Variants in GATA4 observed in about 807,000 individuals in gnomAD.
GATA4 encodes the protein transcription factor GATA-4.
GATA4 carries 7 observed loss-of-function variants against 37.9 expected under a neutral mutation model. The observed-to-expected ratio is 0.18, with a 90% CI of 0.11 to 0.35. The LOEUF (loss-of-function observed/expected upper bound fraction) is 0.35, where lower values mean the gene tolerates loss of function less well. GATA4 is among the 10% of genes least tolerant of loss of function. The pLI, the probability that GATA4 is intolerant of heterozygous loss-of-function variation, is 1.00. For missense variants in GATA4, 647 were observed against 653.0 expected, an observed-to-expected ratio of 0.99 and a Z score of 0.10; for synonymous variants, 372 against 292.6, an observed-to-expected ratio of 1.27 and a Z score of -2.77.
intron 2 of GATA4, among the ~76,000 whole-genome samples, chr8:11,722,359 G>C (rs1051276457): frequency 1.3e-5 from 2 of 152,110 alleles, no homozygotes; most frequent in African/African-American, 4.8e-5. Context: ...AAAAGTACGA[G>C]GACTCTTTTA....
At chr8:11,732,262 T>G (rs1801246667) in intron 2 of GATA4, among the ~76,000 whole-genome samples, 1 of 152,170 alleles carries the variant, frequency 6.6e-6, no homozygotes, top group Non-Finnish European at 1.5e-5. Context: ...GTCTGCCAAG[T>G]AAGTGAAATG....
intron 1 of GATA4, among the ~76,000 whole-genome samples, chr8:11,685,986 A>G (rs1220487809): frequency 6.6e-6 from 1 of 152,246 alleles, no homozygotes; most frequent in Non-Finnish European, 1.5e-5. Context: ...GCCAAAGCGG[A>G]GGACAGGACT....
intron 2 of GATA4, among the ~76,000 whole-genome samples, chr8:11,718,875 T>A (rs1684429998): frequency 6.6e-6 from 1 of 152,252 alleles, no homozygotes; most frequent in Non-Finnish European, 1.5e-5. Context: ...TCACCACTTT[T>A]GCAATGTTTC....
intron 1 of GATA4, among the ~76,000 whole-genome samples, chr8:11,705,462 A>T (rs1021004406): frequency 9.2e-5 from 14 of 152,192 alleles, no homozygotes; most frequent in Admixed American, 4.6e-4. Flanking sequence ...CAATTCTCCC[A>T]TTCTGAAAAA....
chr8:11,758,519 T>TG lies in GATA4; in HGVS notation c.*46dup, dbSNP rs1802724071. ...CAAATTCCTGCACGGACCTGGGACT[T>TG]GGAGGATAGCAAAGAAGGAGGCCCT... On this transcript the variant is annotated 3_prime_UTR_variant, in exon 7 of 7. Transcript: ENST00000532059. The TG allele has an allele frequency of 6.2e-7, 1 of 1,605,634 alleles. No individual in the cohort carries two copies. Among genetic ancestry groups the TG allele is most frequent in the Admixed American group, 1.7e-5 (1 of 59,992 alleles).
At chr8:11,721,097 G>C (rs1800653008) in intron 2 of GATA4, among the ~76,000 whole-genome samples, 1 of 151,824 alleles carries the variant, frequency 6.6e-6, no homozygotes, top group Non-Finnish European at 1.5e-5. Context: ...CTAGGGGAGG[G>C]AACACGTGGA....
At chr8:11,680,994 G>C (rs569939779) in intron 1 of GATA4, 3 of 956,584 alleles carry the variant, frequency 3.1e-6, no homozygotes, top group East Asian at 1.2e-4. Flanking sequence ...CCTGCAGAGA[G>C]ACCCCGCACC....
intron 1 of GATA4, among the ~76,000 whole-genome samples, chr8:11,693,548 CACACACACACACACAGAGAGAGAG>C (rs1406539742): frequency 3.5e-5 from 4 of 115,928 alleles, no homozygotes; most frequent in African/African-American, 1.3e-4. Context: ...CACACACACA[CACACACACACACACAGAGAGAGAG>C]AGAGAGAGAG....
chr8:11,708,894 C>T lies in GATA4; in HGVS notation c.582C>T (p.Gly194=), dbSNP rs1467767687. ...GCCCGGTCCTGCACAGCCTGCCCGGCCGGGCCAACCCGGCCGCCCGACACC... is the reference window on the plus strand; with the variant it reads ...GCCCGGTCCTGCACAGCCTGCCCGGTCGGGCCAACCCGGCCGCCCGACACC... ...FDSPVLHSLP[G]RANPAARHPN... Residue 194 remains glycine (G), a synonymous_variant, in exon 2 of 7, where the codon GGC becomes GGT. Coordinates refer to ENST00000532059, the MANE Select transcript of GATA4 (RefSeq NM_001308093.3). This position sits in a 1 kb window ranked among gnomAD's most constrained non-coding sequence, Gnocchi z 6.7. The T allele has an allele frequency of 8.5e-6, 13 of 1,528,072 alleles. No homozygotes were observed. The highest frequency in any genetic ancestry group is 4.1e-5 in the African/African-American group (3 of 72,292). The allele number at this position is 1,528,072 out of a possible 1,614,324, so 94.7% of individuals were successfully genotyped here.
chr8:11,712,071 G>A (rs576383138), intron 2 of GATA4, among the ~76,000 whole-genome samples: 1 of 152,352 alleles, frequency 6.6e-6, no homozygotes, highest in South Asian at 2.1e-4. Flanking sequence ...TCTGTAAAAT[G>A]GGATCATCAT....
chr8:11,685,857 G>C (rs999558981), intron 1 of GATA4, among the ~76,000 whole-genome samples: 3 of 152,162 alleles, frequency 2.0e-5, no homozygotes, highest in Non-Finnish European at 2.9e-5. Flanking sequence ...AATAGAAGCT[G>C]ATTATTCAGA....
chr8:11,751,361 AC>A (rs1802293265), intron 4 of GATA4, among the ~76,000 whole-genome samples: 1 of 152,214 alleles, frequency 6.6e-6, no homozygotes, highest in African/African-American at 2.4e-5. Context: ...GGTTGCTTCC[AC>A]ATATACAGAA....
Position 11,759,917 on chromosome 8 carries a change from A to C in GATA4, c.*1442A>C, listed in dbSNP as rs1421823656. 1 of 152,648 alleles carries C rather than the reference A, an allele frequency of 6.6e-6. No individual in the cohort carries two copies. The highest frequency in any genetic ancestry group is 1.9e-4 in the East Asian group (1 of 5,200). 9.5% of individuals were successfully genotyped at this position (152,648 alleles called of 1,614,324 possible). A position where few individuals can be genotyped will look rare whatever the true frequency, so the allele number is the denominator to read the frequency against. On this transcript the variant is annotated 3_prime_UTR_variant, in exon 7 of 7. Transcript: ENST00000532059. Reference sequence around the variant, plus strand: ...AAAGGCCCCCTCGTATACCCTCCCTAACCCACAAACCTGTTAACATTGTCT... The same window carrying C: ...AAAGGCCCCCTCGTATACCCTCCCTCACCCACAAACCTGTTAACATTGTCT...
At chr8:11,677,822 T>C (rs1406750899) in intron 1 of GATA4, among the ~76,000 whole-genome samples, 1 of 152,042 alleles carries the variant, frequency 6.6e-6, no homozygotes, top group Non-Finnish European at 1.5e-5. Flanking sequence ...GGGTGGGTTT[T>C]GCAGGTGGAC....
rs566028029 is a variant in GATA4 at position 11,743,306 on chromosome 8, G to A, written c.617-5610G>A. Among the ~76,000 whole-genome samples the A allele has an allele frequency of 7.9e-5, 12 of 152,368 alleles. No homozygotes were observed. The South Asian group carries it at 1.9e-3, about 24-fold the overall frequency. On this transcript the variant is annotated intron_variant, in intron 2 of 6. Coordinates refer to ENST00000532059, the MANE Select transcript of GATA4 (RefSeq NM_001308093.3). ...ACGTCTAGCACTTGGACAGGGGCGC[G>A]TATACAGACGCATGGCAGATATTTG...
intron 2 of GATA4, among the ~76,000 whole-genome samples, chr8:11,711,330 C>A (rs1800173889): frequency 6.6e-6 from 1 of 152,142 alleles, no homozygotes; most frequent in Non-Finnish European, 1.5e-5. Context: ...TTGAATCTGG[C>A]CTAGAGGGTG....
chr8:11,712,690 T>TAAAAAA (rs3030047), intron 2 of GATA4, among the ~76,000 whole-genome samples: 25 of 92,998 alleles, frequency 2.7e-4, no homozygotes, highest in South Asian at 1.0e-3. Context: ...ACCACATCTC[T>TAAAAAA]AAAAAAAAAA....
At chr8:11,703,989 C>A (rs1317201778), upstream of GATA4, among the ~76,000 whole-genome samples, 2 of 152,262 alleles carry the variant, frequency 1.3e-5, no homozygotes, top group Non-Finnish European at 2.9e-5. Context: ...GGTGATTCCC[C>A]GCTCCCTGGC....
intron 1 of GATA4, among the ~76,000 whole-genome samples, chr8:11,687,025 A>G (rs889866489): frequency 6.6e-6 from 1 of 151,878 alleles, no homozygotes; most frequent in South Asian, 2.1e-4. Context: ...CCTCAACCAC[A>G]GTTGTTTAAT....
Sources: gnomAD v4.1 joint callset for allele counts (sites outside exome capture counted in the v4.1 genomes callset) on GRCh38, gnomAD v4.1.1 for gene constraint, Gnocchi (gnomAD v3.1) non-coding constraint, MANE v1.5 for transcripts, NCBI Gene and HGNC (gene_info 2026-07-23, HGNC 2026-07-21) for gene names.